Variants in SLC6A3 observed in about 807,000 individuals in gnomAD.
SLC6A3 encodes the protein sodium-dependent dopamine transporter.
In SLC6A3, 19 loss-of-function variants were observed where a neutral mutation model predicts 70.4. The observed-to-expected ratio is 0.27, with a 90% CI of 0.19 to 0.40. The LOEUF (loss-of-function observed/expected upper bound fraction) is 0.40. Among genes scored for constraint, SLC6A3 ranks in the 10% least tolerant of loss-of-function variants. The probability of loss-of-function intolerance (pLI) is 1.00; values close to 1 mark genes in which losing one functional copy is unlikely to be tolerated. For missense variants in SLC6A3, 613 were observed against 838.5 expected, an observed-to-expected ratio of 0.73 and a Z score of 3.32; for synonymous variants, 368 against 356.6, an observed-to-expected ratio of 1.03 and a Z score of -0.36.
intron 4 of SLC6A3, among the ~76,000 whole-genome samples, chr5:1,423,132 G>A (rs1441756936): frequency 1.0e-5 from 1 of 98,504 alleles, no homozygotes; most frequent in Non-Finnish European, 2.0e-5. Flanking sequence ...TGCTGCCCAC[G>A]GTGCTAGGTG....
chr5:1,417,220 C>A (rs1756324078), intron 6 of SLC6A3, among the ~76,000 whole-genome samples: 1 of 152,028 alleles, frequency 6.6e-6, no homozygotes, highest in Non-Finnish European at 1.5e-5. Flanking sequence ...GGATCATCCA[C>A]AAGCTGCATG....
At position 1,402,937 on chromosome 5, in the gene SLC6A3, A is replaced by G; in HGVS notation, c.1752T>C (p.Pro584=). The change falls in exon 13 of 15, where the codon CCT becomes CCC. Residue 584 remains proline, a synonymous_variant. Transcript: ENST00000270349. This position sits in a 1 kb window ranked among gnomAD's most constrained non-coding sequence, Gnocchi z 8.5. ...IYAAYKFCSL[P]GSFREKLAYA... Reference sequence around the variant, plus strand: ...AAATACCCACCTCTCGAAAGGACCCAGGCAGGCTGCAGAACTTGTAGGCCG... The same window carrying G: ...AAATACCCACCTCTCGAAAGGACCCGGGCAGGCTGCAGAACTTGTAGGCCG... The G allele has an allele frequency of 1.2e-6, 2 of 1,613,824 alleles. No individual in the cohort carries two copies. Among genetic ancestry groups the G allele is most frequent in the Non-Finnish European group, 1.7e-6 (2 of 1,180,028 alleles).
intron 8 of SLC6A3, among the ~76,000 whole-genome samples, chr5:1,412,325 C>T (rs552681029): frequency 1.3e-5 from 2 of 152,356 alleles, no homozygotes; most frequent in Admixed American, 6.5e-5. Flanking sequence ...CAGCTGGGGC[C>T]CTGAGGGCTC....
rs571558671 is a variant in SLC6A3 at position 1,430,377 on chromosome 5, C to G, written c.653+2087G>C. Among the ~76,000 whole-genome samples the G allele has an allele frequency of 2.0e-5, 3 of 152,366 alleles. No individual in the cohort carries two copies. In the East Asian group the frequency reaches 5.8e-4, roughly 29 times the overall value. On this transcript the variant is annotated intron_variant, in intron 4 of 14. Transcript: ENST00000270349. ...CGCCGGGTGGCCCCCCAAAACCTGC[C>G]TCCGCCCCGGCTCCTCACCTCCAAG...
chr5:1,407,256 C>T (rs1210956436), intron 11 of SLC6A3, among the ~76,000 whole-genome samples: 10 of 152,180 alleles, frequency 6.6e-5, no homozygotes, highest in South Asian at 2.1e-4. Flanking sequence ...GCGGTTGTCC[C>T]GTGTCCCATC....
In SLC6A3 at chr5:1,436,917, C is replaced by G. The variant is rs1451770299; in HGVS notation, c.419-4219G>C. Among the ~76,000 whole-genome samples, 2 of 152,182 alleles carry G rather than the reference C, an allele frequency of 1.3e-5. No homozygotes were observed. Among genetic ancestry groups the G allele is most frequent in the African/African-American group, 4.8e-5 (2 of 41,452 alleles). The stretch of plus-strand genomic sequence containing the variant: ...GAGGAAGCCTCTGGTGGAGCAGCCC[C>G]TCCATACCTCACAGGAGGCATCAAG... On this transcript the variant is annotated intron_variant, in intron 3 of 14. Coordinates refer to ENST00000270349, the MANE Select transcript of SLC6A3 (RefSeq NM_001044.5). This position sits in a 1 kb window ranked among gnomAD's most constrained non-coding sequence, Gnocchi z 5.2.
At chr5:1,412,931 G>A (rs370340339) in intron 8 of SLC6A3, among the ~76,000 whole-genome samples, 6 of 152,206 alleles carry the variant, frequency 3.9e-5, no homozygotes, top group Admixed American at 1.3e-4. Context: ...AGGCAGGCTC[G>A]CCTGAGATGT....
chr5:1,427,749 T>C (rs960792524), intron 4 of SLC6A3, among the ~76,000 whole-genome samples: 1 of 152,244 alleles, frequency 6.6e-6, no homozygotes, highest in East Asian at 1.9e-4. Context: ...ATGAGAAATC[T>C]AACCCAGAAG....
At position 1,411,981 on chromosome 5, in the gene SLC6A3, T is replaced by C. The variant is rs901649295; in HGVS notation, c.1157-626A>G. 6.6e-6 allele frequency among the ~76,000 whole-genome samples: 1 copy of C among 151,222 alleles called. No individual in the cohort carries two copies. Among genetic ancestry groups the C allele is most frequent in the African/African-American group, 2.4e-5 (1 of 40,986 alleles). On this transcript the variant is annotated intron_variant, in intron 8 of 14. Coordinates refer to ENST00000270349, the MANE Select transcript of SLC6A3 (RefSeq NM_001044.5). The surrounding 1 kb of genome is among the most constrained non-coding windows in gnomAD (Gnocchi z 6.5). ...TCAAACTCATACATGCAAGAACACATCCACATGCACGCACACAAACAGAAA... is the reference window on the plus strand; with the variant it reads ...TCAAACTCATACATGCAAGAACACACCCACATGCACGCACACAAACAGAAA...
At chr5:1,400,657 C>A (rs1322696105) in intron 14 of SLC6A3, among the ~76,000 whole-genome samples, 1 of 152,196 alleles carries the variant, frequency 6.6e-6, no homozygotes, top group African/African-American at 2.4e-5. Context: ...ATGCCCAGGT[C>A]TTTGCAGGGA....
chr5:1,437,075 C>T lies in SLC6A3; in HGVS notation c.418+4284G>A, dbSNP rs1321103710. ...GACCATCCTGGCTAACACGATGAAA[C>T]CCCGTCTCTACTAAAAATACAAAAA... is the stretch of plus-strand genomic sequence containing the variant. On this transcript the variant is annotated intron_variant, in intron 3 of 14. Transcript: ENST00000270349. This position sits in a 1 kb window ranked among gnomAD's most constrained non-coding sequence, Gnocchi z 4.8. 2.6e-5 allele frequency among the ~76,000 whole-genome samples: 4 copies of T among 152,064 alleles called. No homozygotes were observed. Among genetic ancestry groups the T allele is most frequent in the Non-Finnish European group, 5.9e-5 (4 of 68,014 alleles).
At chr5:1,423,059 G>C (rs1397135463) in intron 4 of SLC6A3, among the ~76,000 whole-genome samples, 4 of 60,468 alleles carry the variant, frequency 6.6e-5, no homozygotes, top group African/African-American at 1.7e-4. Context: ...ACTGCCCAAG[G>C]TGCTGGGTAC....
Position 1,437,341 on chromosome 5 carries a change from G to C in SLC6A3, c.418+4018C>G, listed in dbSNP as rs1299862331. ...TGGGTGTCTTTAGTATGTGCTTGCT[G>C]TGTGTGCATGTACCCGAGAGACAGA... On this transcript the variant is annotated intron_variant, in intron 3 of 14. Coordinates refer to ENST00000270349, the MANE Select transcript of SLC6A3 (RefSeq NM_001044.5). The surrounding 1 kb of genome is among the most constrained non-coding windows in gnomAD (Gnocchi z 4.8). Among the ~76,000 whole-genome samples, 1 of 151,920 alleles carries C rather than the reference G, an allele frequency of 6.6e-6. No homozygotes were observed. Among genetic ancestry groups the C allele is most frequent in the Non-Finnish European group, 1.5e-5 (1 of 67,990 alleles).
chr5:1,409,234 GT>G (rs1029099159), intron 10 of SLC6A3, 109 bp from the exon 11 acceptor site: 7 of 829,220 alleles, frequency 8.4e-6, no homozygotes, highest in Admixed American at 6.0e-5. Flanking sequence ...CAAAACTCTG[GT>G]TTGAGTCCCT....
chr5:1,432,990 C>A (rs1756740978), intron 3 of SLC6A3, among the ~76,000 whole-genome samples: 1 of 152,072 alleles, frequency 6.6e-6, no homozygotes, highest in African/African-American at 2.4e-5. Context: ...AGCAAGGTCA[C>A]CCAGAGCTAT....
In SLC6A3 at chr5:1,408,090, T is replaced by A; in HGVS notation, c.1498+936A>T. Among the ~76,000 whole-genome samples the A allele has an allele frequency of 6.6e-6, 1 of 152,072 alleles. No individual in the cohort carries two copies. Among genetic ancestry groups the A allele is most frequent in the East Asian group, 1.9e-4 (1 of 5,194 alleles). On this transcript the variant is annotated intron_variant, in intron 11 of 14. Coordinates refer to ENST00000270349, the MANE Select transcript of SLC6A3 (RefSeq NM_001044.5). This position sits in a 1 kb window ranked among gnomAD's most constrained non-coding sequence, Gnocchi z 6.4. ...ATCTCGGGTGACTGCAACCTCCGCC[T>A]TCCGGGTTCAAGCTGAATCATATTC...
At chr5:1,420,886 T>C (rs1438178009) in intron 5 of SLC6A3, among the ~76,000 whole-genome samples, 183 bp from the exon 6 acceptor site, 2 of 152,274 alleles carry the variant, frequency 1.3e-5, no homozygotes, top group African/African-American at 2.4e-5. Flanking sequence ...AGACACTTTC[T>C]GTCCTGCACA....
rs1755929898 is a variant in SLC6A3 at position 1,404,693 on chromosome 5, C to T, written c.1599+1495G>A. On this transcript the variant is annotated intron_variant, in intron 12 of 14. Coordinates refer to ENST00000270349, the MANE Select transcript of SLC6A3 (RefSeq NM_001044.5). The surrounding 1 kb of genome is among the most constrained non-coding windows in gnomAD (Gnocchi z 5.2). ...AGATGATAACACAGACGTTATGTTT[C>T]TGCTGAAATCAGAACTTCATAGGAA... 6.6e-6 allele frequency among the ~76,000 whole-genome samples: 1 copy of T among 152,258 alleles called. No homozygotes were observed. Among genetic ancestry groups the T allele is most frequent in the Non-Finnish European group, 1.5e-5 (1 of 68,052 alleles).
Position 1,394,463 on chromosome 5 carries a change from T to C in SLC6A3, c.*272A>G, listed in dbSNP as rs1465289596. On this transcript the variant is annotated 3_prime_UTR_variant, in exon 15 of 15. Coordinates refer to ENST00000270349, the MANE Select transcript of SLC6A3 (RefSeq NM_001044.5). The surrounding 1 kb of genome is among the most constrained non-coding windows in gnomAD (Gnocchi z 4.7). The stretch of plus-strand genomic sequence containing the variant: ...CACACAGACAGCATGAAGTTAGACG[T>C]TTTTCTGCCCTGCAGGGACAACAAC... 3.4e-6 allele frequency: 2 copies of C among 580,566 alleles called. No individual in the cohort carries two copies. The highest frequency in any genetic ancestry group is 6.2e-6 in the Non-Finnish European group (2 of 323,780). 36.0% of individuals were successfully genotyped at this position (580,566 alleles called of 1,614,324 possible).
Sources: allele counts gnomAD v4.1 joint callset (sites outside exome capture counted in the v4.1 genomes callset), GRCh38; gene constraint gnomAD v4.1.1; non-coding constraint Gnocchi (gnomAD v3.1); transcripts MANE v1.5; gene names NCBI Gene and HGNC (gene_info 2026-07-23, HGNC 2026-07-21).